Variants in FMN1 observed in about 807,000 individuals in gnomAD.
FMN1 encodes the protein formin-1.
Under a neutral mutation model 132.4 loss-of-function variants are expected in FMN1, and 110 were observed. The observed-to-expected ratio is 0.83, with a 90% confidence interval of 0.71 to 0.97. The LOEUF (loss-of-function observed/expected upper bound fraction) is 0.97. Ranked by LOEUF, FMN1 falls within the 50% of genes least tolerant of loss-of-function variation. FMN1 has a pLI of 0.00. For synonymous variants in FMN1, 722 were observed against 651.7 expected (o/e 1.11, Z -1.64); for missense variants, 1,792 against 1,705.3 (o/e 1.05, Z -0.90).
rs1275987990 is a variant in FMN1 at position 32,765,699 on chromosome 15, T to C, written c.*8611A>G. 1.3e-5 allele frequency: 2 copies of C among 152,182 alleles called. No individual in the cohort carries two copies. The highest frequency in any genetic ancestry group is 2.9e-5 in the Non-Finnish European group (2 of 68,032). The allele number at this position is 152,182 out of a possible 1,614,324, so 9.4% of individuals were successfully genotyped here. On this transcript the variant is annotated 3_prime_UTR_variant, in exon 21 of 21. Coordinates refer to ENST00000616417, the MANE Select transcript of FMN1 (RefSeq NM_001277313.2). Reference sequence around the variant, plus strand: ...GGATAAATATAATCTATCACAGAGATAGAATTTTTTGAATAGACAATTGAC... The same window carrying C: ...GGATAAATATAATCTATCACAGAGACAGAATTTTTTGAATAGACAATTGAC...
intron 5 of FMN1, among the ~76,000 whole-genome samples, chr15:33,086,932 T>A (rs2038718718): frequency 6.6e-6 from 1 of 152,242 alleles, no homozygotes; most frequent in Non-Finnish European, 1.5e-5. Flanking sequence ...GCTCTTTGAT[T>A]GCCACCCATG....
intron 4 of FMN1, among the ~76,000 whole-genome samples, chr15:33,119,508 G>A (rs1266257152): frequency 6.6e-6 from 1 of 152,170 alleles, no homozygotes; most frequent in African/African-American, 2.4e-5. Context: ...TGAGTCCACC[G>A]TCCGTACGCT....
At chr15:32,856,710 C>T (rs563932395) in intron 17 of FMN1, among the ~76,000 whole-genome samples, 1 of 152,222 alleles carries the variant, frequency 6.6e-6, no homozygotes, top group African/African-American at 2.4e-5. Flanking sequence ...TGTCAGTAAA[C>T]ACGGGCTAAG....
intron 4 of FMN1, among the ~76,000 whole-genome samples, chr15:33,092,190 T>C (rs992026620): frequency 2.6e-5 from 4 of 152,222 alleles, no homozygotes; most frequent in African/African-American, 9.6e-5. Flanking sequence ...TGAGCTGCAC[T>C]TCCTGATGCT....
chr15:33,010,110 C>T (rs924553499), intron 6 of FMN1, among the ~76,000 whole-genome samples: 27 of 152,270 alleles, frequency 1.8e-4, no homozygotes, highest in African/African-American at 6.3e-4. Flanking sequence ...TTTCAAACTC[C>T]TGACCTCAGG....
At chr15:32,923,565 G>C (rs1184062711) in intron 10 of FMN1, among the ~76,000 whole-genome samples, 2 of 152,184 alleles carry the variant, frequency 1.3e-5, no homozygotes, top group African/African-American at 4.8e-5. Context: ...GTTCCCACAA[G>C]GACTAGAAGT....
intron 4 of FMN1, among the ~76,000 whole-genome samples, chr15:33,111,139 A>G (rs1281232289): frequency 6.6e-6 from 1 of 152,136 alleles, no homozygotes; most frequent in African/African-American, 2.4e-5. Context: ...TGTGTTTTCC[A>G]TGGTGCTTTG....
At chr15:32,960,056 T>C (rs952766497) in intron 9 of FMN1, among the ~76,000 whole-genome samples, 2 of 152,198 alleles carry the variant, frequency 1.3e-5, no homozygotes, top group Admixed American at 1.3e-4. Context: ...ATAGATGGCA[T>C]TTAAAAAGCC....
chr15:32,874,819 CAA>C (rs1386573531), intron 16 of FMN1, among the ~76,000 whole-genome samples: 1 of 145,876 alleles, frequency 6.9e-6, no homozygotes, highest in Non-Finnish European at 1.5e-5. Flanking sequence ...AAAGGTCAAA[CAA>C]GATCTGTCTC....
At chr15:33,049,317 T>C (rs1002461638) in intron 6 of FMN1, among the ~76,000 whole-genome samples, 2 of 152,190 alleles carry the variant, frequency 1.3e-5, no homozygotes, top group Non-Finnish European at 2.9e-5. Context: ...TCACTTGTGG[T>C]AAATGTGACA....
At chr15:32,866,020 C>A (rs1181294202) in intron 16 of FMN1, among the ~76,000 whole-genome samples, 1 of 151,856 alleles carries the variant, frequency 6.6e-6, no homozygotes, top group Non-Finnish European at 1.5e-5. Context: ...TATACACCAA[C>A]AATTGGTACA....
intron 6 of FMN1, among the ~76,000 whole-genome samples, chr15:33,008,358 C>G (rs929036936): frequency 6.6e-6 from 1 of 151,956 alleles, no homozygotes; most frequent in East Asian, 1.9e-4. Context: ...CAGATAAACA[C>G]TAGGTCAGGA....
At chr15:32,929,586 A>G (rs531044687) in intron 9 of FMN1, among the ~76,000 whole-genome samples, 7 of 152,268 alleles carry the variant, frequency 4.6e-5, no homozygotes, top group African/African-American at 1.7e-4. Flanking sequence ...CAGATTTCCA[A>G]TTCGCCGTTG....
At chr15:32,782,587 G>A (rs894815778) in intron 19 of FMN1, among the ~76,000 whole-genome samples, 1 of 152,238 alleles carries the variant, frequency 6.6e-6, no homozygotes, top group African/African-American at 2.4e-5. Context: ...GTGAGGTTAT[G>A]TGACTTTGTC....
Position 32,769,907 on chromosome 15 carries a change from G to C in FMN1, c.*4403C>G, listed in dbSNP as rs756577341. 6.6e-6 allele frequency: 1 copy of C among 151,742 alleles called. No homozygotes were observed. Among genetic ancestry groups the C allele is most frequent in the Non-Finnish European group, 1.5e-5 (1 of 68,006 alleles). The allele number at this position is 151,742 out of a possible 1,614,324, so 9.4% of individuals were successfully genotyped here. On this transcript the variant is annotated 3_prime_UTR_variant, in exon 21 of 21. Coordinates refer to ENST00000616417, the MANE Select transcript of FMN1 (RefSeq NM_001277313.2). ...GCTTTTTCTTTCCTCTCCACTTTTT[G>C]GCCATTTTTGTTTTTATTAGGACAG...
chr15:32,884,425 G>C (rs2059846362), intron 16 of FMN1, among the ~76,000 whole-genome samples: 1 of 152,120 alleles, frequency 6.6e-6, no homozygotes, highest in Non-Finnish European at 1.5e-5. Flanking sequence ...ATCATAGCCA[G>C]GGAAAGTCCT....
At chr15:32,956,592 C>T (rs569728813) in intron 9 of FMN1, among the ~76,000 whole-genome samples, 39 of 152,078 alleles carry the variant, frequency 2.6e-4, no homozygotes, top group Non-Finnish European at 4.6e-4. Context: ...AGTTTAGGCC[C>T]CCAGGTCATA....
intron 17 of FMN1, among the ~76,000 whole-genome samples, chr15:32,815,164 G>C (rs544634399): frequency 2.6e-4 from 40 of 151,520 alleles, no homozygotes; most frequent in African/African-American, 9.7e-5. Flanking sequence ...GGATGGTCTC[G>C]ATCTCCTGAC....
At chr15:32,910,154 G>A (rs190320995) in intron 11 of FMN1, among the ~76,000 whole-genome samples, 12 of 152,312 alleles carry the variant, frequency 7.9e-5, no homozygotes, top group Middle Eastern at 3.4e-3. Context: ...ACCAGTGCAC[G>A]CTATCATTTC....
Sources: gnomAD v4.1 joint callset for allele counts (sites outside exome capture counted in the v4.1 genomes callset) on GRCh38, gnomAD v4.1.1 for gene constraint, MANE v1.5 for transcripts, NCBI Gene and HGNC (gene_info 2026-07-23, HGNC 2026-07-21) for gene names.